ARID1B: variants seen among roughly 807,000 people sequenced by gnomAD.
ARID1B encodes the protein AT-rich interaction domain 1B.
Under a neutral mutation model 212.3 loss-of-function variants are expected in ARID1B, and 30 were observed. The ratio of observed to expected loss-of-function variants is 0.14; its 90% confidence interval spans 0.11 to 0.19. The LOEUF (loss-of-function observed/expected upper bound fraction) is 0.19, where lower values mean the gene tolerates loss of function less well. Ranked by LOEUF, ARID1B falls within the 10% of genes least tolerant of loss-of-function variation. ARID1B has a pLI of 1.00. For synonymous variants in ARID1B, 1,402 were observed against 1,301.7 expected (o/e 1.08, Z -1.66); for missense variants, 2,891 against 3,204.0 (o/e 0.90, Z 2.36).
intron 4 of ARID1B, among the ~76,000 whole-genome samples, chr6:157,077,273 T>C (rs1784366150): frequency 6.6e-6 from 1 of 152,242 alleles, no homozygotes; most frequent in Admixed American, 6.5e-5. Flanking sequence ...TTTAATTGTG[T>C]TTAAAGTGTT....
chr6:156,949,769 A>G (rs975482943), intron 4 of ARID1B, among the ~76,000 whole-genome samples: 8 of 152,184 alleles, frequency 5.3e-5, no homozygotes, highest in Non-Finnish European at 1.2e-4. Flanking sequence ...TTTACCCTGC[A>G]CAGAAGAACA....
chr6:157,175,879 A>G (rs568411765), intron 11 of ARID1B: 3 of 151,940 alleles, frequency 2.0e-5, no homozygotes, highest in African/African-American at 4.8e-5. Context: ...AAAAAAAAAC[A>G]ACATGCAATT....
intron 5 of ARID1B, among the ~76,000 whole-genome samples, chr6:157,109,693 T>C (rs542792774): frequency 2.0e-5 from 3 of 152,230 alleles, no homozygotes; most frequent in Middle Eastern, 3.2e-3. Flanking sequence ...ATTATCTCTC[T>C]TTTATCAGTA....
chr6:156,941,304 A>T (rs1183986561), intron 4 of ARID1B: 1 of 152,242 alleles, frequency 6.6e-6, no homozygotes, highest in Non-Finnish European at 1.5e-5. Flanking sequence ...CCTGTCCCCC[A>T]GAACAGCTAC....
chr6:157,023,489 T>G (rs1780456802), intron 4 of ARID1B: 1 of 152,234 alleles, frequency 6.6e-6, no homozygotes, highest in Non-Finnish European at 1.5e-5. Context: ...TTACATAAAC[T>G]GGAGCAATTT....
intron 2 of ARID1B, among the ~76,000 whole-genome samples, chr6:156,865,400 A>G (rs141759888): frequency 1.1e-4 from 16 of 152,310 alleles, no homozygotes; most frequent in African/African-American, 2.9e-4. Context: ...CACTTGCTCA[A>G]CTGTCTTAAC....
chr6:156,813,106 ATATTT>A (rs1469200338), intron 1 of ARID1B, among the ~76,000 whole-genome samples: 3 of 105,942 alleles, frequency 2.8e-5, no homozygotes, highest in Admixed American at 1.1e-4. Context: ...ACATATATAT[ATATTT>A]TTTTTTTTTT....
intron 3 of ARID1B, among the ~76,000 whole-genome samples, chr6:156,934,604 A>C (rs765361912): frequency 6.6e-6 from 1 of 152,122 alleles, no homozygotes; most frequent in African/African-American, 2.4e-5. Context: ...TAGAAACCTC[A>C]GGATCCTATG....
chr6:157,016,928 ATGT>A (rs1340492399), intron 4 of ARID1B, among the ~76,000 whole-genome samples: 1 of 152,200 alleles, frequency 6.6e-6, no homozygotes, highest in East Asian at 1.9e-4. Flanking sequence ...GAACCTATCA[ATGT>A]TGTTAAGTGA....
chr6:156,989,140 A>G (rs1183518495), intron 4 of ARID1B, among the ~76,000 whole-genome samples: 1 of 152,004 alleles, frequency 6.6e-6, no homozygotes, highest in Non-Finnish European at 1.5e-5. Flanking sequence ...CTTCTTGGCC[A>G]TGTTTATCAT....
rs144531411 is a variant in ARID1B at position 156,937,499 on chromosome 6, C to T, written c.2247+1923C>T. 1.6e-3 allele frequency: 241 copies of T among 152,318 alleles called. 4 individuals carry two copies. Among genetic ancestry groups the T allele is most frequent in the African/African-American group, 5.6e-3 (232 of 41,572 alleles). 9.4% of individuals were successfully genotyped at this position (152,318 alleles called of 1,614,324 possible). A position where few individuals can be genotyped will look rare whatever the true frequency, so the allele number is the denominator to read the frequency against. On this transcript the variant is annotated intron_variant, in intron 4 of 19. Coordinates refer to ENST00000636930, the MANE Select transcript of ARID1B (RefSeq NM_001374828.1). Reference sequence around the variant, plus strand: ...TATAAAAATAGTTTGTGGTAAACTGCTTTCTTCATATCTACTCAGAAACTT... The same window carrying T: ...TATAAAAATAGTTTGTGGTAAACTGTTTTCTTCATATCTACTCAGAAACTT...
chr6:156,833,905 A>G (rs555093143), intron 2 of ARID1B, among the ~76,000 whole-genome samples: 7 of 152,312 alleles, frequency 4.6e-5, no homozygotes, highest in Admixed American at 3.3e-4. Flanking sequence ...ACTTCTTCCA[A>G]TGCAAATGTT....
At chr6:156,974,024 A>G (rs985662489) in intron 4 of ARID1B, among the ~76,000 whole-genome samples, 1 of 152,254 alleles carries the variant, frequency 6.6e-6, no homozygotes, top group African/African-American at 2.4e-5. Context: ...ACTTGAAAAC[A>G]TTATTCATTC....
intron 8 of ARID1B, among the ~76,000 whole-genome samples, chr6:157,154,900 TTTTTGTTTTG>T (rs112112944): frequency 2.0e-4 from 31 of 151,926 alleles, no homozygotes; most frequent in East Asian, 7.7e-4. Context: ...TCTTTCTACT[TTTTTGTTTTG>T]TTTTGTTTTG....
chr6:156,902,640 A>C (rs1018588243), intron 3 of ARID1B, among the ~76,000 whole-genome samples: 4 of 149,528 alleles, frequency 2.7e-5, no homozygotes, highest in Non-Finnish European at 5.9e-5. Context: ...TTTTACATAC[A>C]TGTATTTAAA....
intron 1 of ARID1B, among the ~76,000 whole-genome samples, chr6:156,800,601 A>C (rs186323755): frequency 6.6e-6 from 1 of 152,086 alleles, no homozygotes; most frequent in Admixed American, 6.5e-5. Flanking sequence ...AAGAAAAAAA[A>C]GCAAATAAAA....
intron 1 of ARID1B, among the ~76,000 whole-genome samples, chr6:156,807,319 A>C (rs1248183858): frequency 6.6e-6 from 1 of 152,098 alleles, no homozygotes; most frequent in Non-Finnish European, 1.5e-5. Context: ...GCATGTCAGA[A>C]ACCAAGCTCA....
At chr6:157,043,956 C>A (rs922528449) in intron 4 of ARID1B, among the ~76,000 whole-genome samples, 11 of 152,170 alleles carry the variant, frequency 7.2e-5, no homozygotes, top group African/African-American at 2.7e-4. Flanking sequence ...AAACAAATAT[C>A]TATGGGATAT....
chr6:157,135,875 A>G (rs1788870805), intron 7 of ARID1B, among the ~76,000 whole-genome samples: 1 of 152,112 alleles, frequency 6.6e-6, no homozygotes, highest in Admixed American at 6.5e-5. Context: ...ATATCTCTGG[A>G]ATGATTCACT....
Sources: allele counts gnomAD v4.1 joint callset (sites outside exome capture counted in the v4.1 genomes callset), GRCh38; gene constraint gnomAD v4.1.1; transcripts MANE v1.5; gene names NCBI Gene and HGNC (gene_info 2026-07-23, HGNC 2026-07-21).